The following ANKRD44 variants were observed in gnomAD, a reference collection of about 807,000 sequenced individuals.
The protein encoded by ANKRD44 is ankyrin repeat domain 44.
In ANKRD44, 35 loss-of-function variants were observed where a neutral mutation model predicts 116.0. That is an observed-to-expected ratio of 0.30 (90% CI 0.23 to 0.40). ANKRD44 has a LOEUF of 0.40. ANKRD44 is among the 10% of genes least tolerant of loss of function. ANKRD44 has a pLI of 1.00. For synonymous variants in ANKRD44, 435 were observed against 461.8 expected (o/e 0.94, Z 0.74); for missense variants, 1,014 against 1,242.6 (o/e 0.82, Z 2.77).
In ANKRD44 at chr2:197,081,717, A is replaced by G. The variant is rs1559047250; in HGVS notation, c.1466T>C (p.Ile489Thr). The change falls in exon 15 of 28, where the codon ATC (isoleucine) becomes ACC (threonine). Residue 489 changes from isoleucine (I) to threonine (T), a missense_variant. Transcript: ENST00000282272. ...TGAATTATCATGGGCATTTCCTAAG[A>G]TAGTCTTACTTCTCAGCATAAAGGA... is the stretch of plus-strand genomic sequence containing the variant. ...AASDMDRNKT[I>T]LGNAHDNSEE... 6.2e-7 allele frequency: 1 copy of G among 1,613,476 alleles called. No homozygotes were observed. The highest frequency in any genetic ancestry group is 8.5e-7 in the Non-Finnish European group (1 of 1,179,534).
At chr2:197,224,959 T>C (rs112203418) in intron 1 of ANKRD44, among the ~76,000 whole-genome samples, 7 of 152,316 alleles carry the variant, frequency 4.6e-5, no homozygotes, top group African/African-American at 1.4e-4. Flanking sequence ...TGACTTCCTG[T>C]TAGGAAGAAC....
chr2:197,163,327 T>C (rs1257768295), intron 2 of ANKRD44, among the ~76,000 whole-genome samples: 1 of 152,228 alleles, frequency 6.6e-6, no homozygotes, highest in East Asian at 1.9e-4. Flanking sequence ...TGTGCAGTTC[T>C]GGTTTCTGTG....
intron 9 of ANKRD44, among the ~76,000 whole-genome samples, chr2:197,100,140 T>C (rs2078255676): frequency 6.6e-6 from 1 of 152,204 alleles, no homozygotes; most frequent in Admixed American, 6.5e-5. Flanking sequence ...AGAAGTCTAT[T>C]AGAGATGCTT....
At chr2:196,969,621 T>C (rs1023858961) in intron 21 of ANKRD44, among the ~76,000 whole-genome samples, 1 of 152,224 alleles carries the variant, frequency 6.6e-6, no homozygotes, top group Non-Finnish European at 1.5e-5. Flanking sequence ...GCATCTACAT[T>C]GCTAGTGATA....
chr2:197,166,250 TC>T (rs1253040833), intron 2 of ANKRD44, among the ~76,000 whole-genome samples: 1 of 152,198 alleles, frequency 6.6e-6, no homozygotes, highest in Non-Finnish European at 1.5e-5. Flanking sequence ...TCTGTACTTT[TC>T]TTTCTAAGTA....
At chr2:197,133,642 T>C (rs2079143133) in intron 4 of ANKRD44, among the ~76,000 whole-genome samples, 1 of 152,236 alleles carries the variant, frequency 6.6e-6, no homozygotes, top group Admixed American at 6.5e-5. Context: ...AGAACAGACC[T>C]GTGCCAGCTC....
chr2:196,996,275 G>A (rs958287879), intron 25 of ANKRD44, among the ~76,000 whole-genome samples: 1 of 152,194 alleles, frequency 6.6e-6, no homozygotes, highest in African/African-American at 2.4e-5. Flanking sequence ...GAAAAGCATT[G>A]CACTTATATT....
At position 197,101,608 on chromosome 2, in the gene ANKRD44, TA is replaced by T. The variant is rs147923645; in HGVS notation, c.986-1679del. 2.7e-3 allele frequency among the ~76,000 whole-genome samples: 400 copies of T among 150,708 alleles called. 1 individual carries two copies. Among genetic ancestry groups the T allele is most frequent in the East Asian group, 0.016 (85 of 5,168 alleles). On this transcript the variant is annotated intron_variant, in intron 9 of 27. Coordinates refer to ENST00000282272, the MANE Select transcript of ANKRD44 (RefSeq NM_001195144.2). ...TTATGTTATGTATATTTTACCACAA[TA>T]AAAAAAAAGGCTTGATTATGTGGTT...
intron 17 of ANKRD44, among the ~76,000 whole-genome samples, chr2:197,020,816 T>TATAA (rs1427235259): frequency 0.026 from 3,914 of 151,046 alleles, 190 homozygotes; most frequent in African/African-American, 0.091. Flanking sequence ...ATTATTATTA[T>TATAA]ACTTTAAGTT....
intron 16 of ANKRD44, among the ~76,000 whole-genome samples, chr2:197,045,061 C>A (rs2124976780): frequency 6.6e-6 from 1 of 150,836 alleles, no homozygotes; most frequent in South Asian, 2.1e-4. Context: ...TATAATTGCA[C>A]AGTTTAAACC....
At chr2:197,191,007 A>G (rs2080809455) in intron 1 of ANKRD44, among the ~76,000 whole-genome samples, 1 of 152,240 alleles carries the variant, frequency 6.6e-6, no homozygotes, top group South Asian at 2.1e-4. Flanking sequence ...TAGTGGTAGG[A>G]AAAAAGGAGA....
chr2:197,042,676 T>C (rs2076933125), intron 16 of ANKRD44, among the ~76,000 whole-genome samples: 1 of 152,154 alleles, frequency 6.6e-6, no homozygotes. Flanking sequence ...TTTTAAGAAG[T>C]CTTAAAATCA....
chr2:197,078,668 G>A (rs997872893), intron 16 of ANKRD44, 35 bp downstream of exon 16: 1 of 1,606,232 alleles, frequency 6.2e-7, no homozygotes, highest in Non-Finnish European at 8.5e-7. Context: ...ATGTGTGTGT[G>A]TGTGTGTTAG....
At chr2:196,999,844 C>T (rs1427826974) in intron 23 of ANKRD44, among the ~76,000 whole-genome samples, 3 of 152,200 alleles carry the variant, frequency 2.0e-5, no homozygotes, top group African/African-American at 4.8e-5. Flanking sequence ...CCACCCGCCT[C>T]GGCCTCCCAA....
intron 3 of ANKRD44, among the ~76,000 whole-genome samples, chr2:197,145,191 T>C (rs949153877): frequency 1.3e-5 from 2 of 152,072 alleles, no homozygotes; most frequent in African/African-American, 2.4e-5. Context: ...CTCGGAAGGC[T>C]GAGGCAGAAG....
intron 1 of ANKRD44, among the ~76,000 whole-genome samples, chr2:197,305,311 G>A (rs1010036724): frequency 6.6e-6 from 1 of 152,158 alleles, no homozygotes; most frequent in Non-Finnish European, 1.5e-5. Context: ...CACTGTCCAA[G>A]CCAATCTTTT....
Position 197,076,226 on chromosome 2 carries a change from A to T in ANKRD44, c.1650+2477T>A, listed in dbSNP as rs1347826809. 2.0e-5 allele frequency among the ~76,000 whole-genome samples: 3 copies of T among 152,366 alleles called. No individual in the cohort carries two copies. In the South Asian group the frequency reaches 6.2e-4, roughly 32 times the overall value. ...TCAACATAACTCTAGCACAAAGCAC[A>T]GAGTCAGGGACAATTTGTTAAAAGG... On this transcript the variant is annotated intron_variant, in intron 16 of 27. Coordinates refer to ENST00000282272, the MANE Select transcript of ANKRD44 (RefSeq NM_001195144.2).
At chr2:197,294,720 T>C (rs1387042970) in intron 1 of ANKRD44, among the ~76,000 whole-genome samples, 1 of 152,206 alleles carries the variant, frequency 6.6e-6, no homozygotes, top group African/African-American at 2.4e-5. Context: ...TTTAATTGTA[T>C]AATTTCCATT....
chr2:197,173,092 T>C (rs922131582), intron 2 of ANKRD44, among the ~76,000 whole-genome samples: 18 of 152,248 alleles, frequency 1.2e-4, no homozygotes, highest in African/African-American at 4.3e-4. Flanking sequence ...AAGACCTGTT[T>C]TGAAATTGTT....
Sources: allele counts gnomAD v4.1 joint callset (sites outside exome capture counted in the v4.1 genomes callset), GRCh38; gene constraint gnomAD v4.1.1; transcripts MANE v1.5; gene names NCBI Gene and HGNC (gene_info 2026-07-23, HGNC 2026-07-21).